Variants in SORBS2 observed in about 807,000 individuals in gnomAD.
The protein encoded by SORBS2 is sorbin and SH3 domain-containing protein 2.
SORBS2 carries 46 observed loss-of-function variants against 97.7 expected under a neutral mutation model. The ratio of observed to expected loss-of-function variants is 0.47; its 90% CI spans 0.37 to 0.60. The LOEUF (loss-of-function observed/expected upper bound fraction) is 0.60, where lower values mean the gene tolerates loss of function less well. SORBS2 is among the 20% of genes least tolerant of loss of function. The pLI is 0.00. For missense variants in SORBS2, 1,316 were observed against 1,282.3 expected (o/e 1.03, Z -0.40); for synonymous variants, 476 against 473.4 (o/e 1.01, Z -0.07).
At chr4:185,613,154 A>C (rs1220796088) in intron 11 of SORBS2, among the ~76,000 whole-genome samples, 1 of 152,218 alleles carries the variant, frequency 6.6e-6, no homozygotes, top group Non-Finnish European at 1.5e-5. Flanking sequence ...TCAGCAGGTG[A>C]TACAGAAGCT....
chr4:185,952,973 A>C (rs1382321471), intron 1 of SORBS2, among the ~76,000 whole-genome samples: 1 of 152,036 alleles, frequency 6.6e-6, no homozygotes, highest in Non-Finnish European at 1.5e-5. Context: ...CCCACAGCCC[A>C]CTTGTAGGTC....
At chr4:185,845,295 C>T (rs2099213942) in intron 1 of SORBS2, among the ~76,000 whole-genome samples, 1 of 152,160 alleles carries the variant, frequency 6.6e-6, no homozygotes, top group Non-Finnish European at 1.5e-5. Flanking sequence ...GCTGGTGTTA[C>T]AGGTGTGAGC....
At chr4:185,715,070 AT>A (rs1188305501) in intron 2 of SORBS2, among the ~76,000 whole-genome samples, 5 of 152,270 alleles carry the variant, frequency 3.3e-5, no homozygotes, top group African/African-American at 1.2e-4. Context: ...TTTTTTAAAA[AT>A]ATCAACATTT....
intron 2 of SORBS2, among the ~76,000 whole-genome samples, chr4:185,711,337 A>G (rs2098419125): frequency 6.6e-6 from 1 of 152,176 alleles, no homozygotes; most frequent in African/African-American, 2.4e-5. Context: ...AATTTCATGC[A>G]TTCTACAATT....
At chr4:185,858,089 A>G (rs149839321) in intron 1 of SORBS2, among the ~76,000 whole-genome samples, 2 of 152,322 alleles carry the variant, frequency 1.3e-5, no homozygotes, top group East Asian at 3.9e-4. Flanking sequence ...CGAGGTCTCC[A>G]TCACGGTCCT....
chr4:185,882,534 T>A (rs974173705), intron 1 of SORBS2, among the ~76,000 whole-genome samples: 1 of 152,226 alleles, frequency 6.6e-6, no homozygotes, highest in Admixed American at 6.5e-5. Context: ...GTAGACTCAA[T>A]GTAATTCCAG....
At chr4:185,663,707 A>G (rs1055239954) in intron 4 of SORBS2, among the ~76,000 whole-genome samples, 1 of 152,188 alleles carries the variant, frequency 6.6e-6, no homozygotes, top group Non-Finnish European at 1.5e-5. Context: ...AATTAATGTT[A>G]AAAGCTGAAG....
At chr4:185,849,241 T>G (rs1224970119) in intron 1 of SORBS2, among the ~76,000 whole-genome samples, 1 of 152,118 alleles carries the variant, frequency 6.6e-6, no homozygotes, top group Non-Finnish European at 1.5e-5. Flanking sequence ...TTGACCCTGT[T>G]GCCATTCTAG....
At position 185,615,133 on chromosome 4, in the gene SORBS2, G is replaced by GT; in HGVS notation, c.2377dup (p.Thr793AsnfsTer9). ...ATCAATTTTCCTGAGGATGTAGACAGTATCTCCTTTCTTAAATGACAACTC... is the reference window on the plus strand; with the variant it reads ...ATCAATTTTCCTGAGGATGTAGACAGTTATCTCCTTTCTTAAATGACAACTC... On this transcript the variant is annotated frameshift_variant, in exon 10 of 15. Transcript: ENST00000418609. LOFTEE classifies it high-confidence loss of function. 1 of 1,611,536 alleles carries GT rather than the reference G, an allele frequency of 6.2e-7. No homozygotes were observed. Among genetic ancestry groups the GT allele is most frequent in the Non-Finnish European group, 8.5e-7 (1 of 1,177,654 alleles).
intron 3 of SORBS2, 24 bp downstream of exon 12, chr4:185,649,443 C>G: frequency 1.3e-6 from 2 of 1,530,068 alleles, no homozygotes; most frequent in Non-Finnish European, 1.8e-6. Context: ...GAAACATAGG[C>G]CACCCTGGGG....
chr4:185,943,553 G>A (rs950058615), intron 1 of SORBS2, among the ~76,000 whole-genome samples: 20 of 152,128 alleles, frequency 1.3e-4, no homozygotes, highest in Non-Finnish European at 7.3e-5. Context: ...TCCTCACTGT[G>A]GGACGTTTTA....
intron 3 of SORBS2, among the ~76,000 whole-genome samples, chr4:185,649,022 C>G (rs1417993341): frequency 6.6e-6 from 1 of 152,126 alleles, no homozygotes; most frequent in African/African-American, 2.4e-5. Context: ...GCTTGAAAAA[C>G]TGGTAGAAAC....
intron 12 of SORBS2, among the ~76,000 whole-genome samples, chr4:185,605,760 T>C (rs2096402409): frequency 6.6e-6 from 1 of 152,164 alleles, no homozygotes; most frequent in Admixed American, 6.5e-5. Flanking sequence ...AGTTTTTGTA[T>C]TTTTGGTAGT....
At chr4:185,738,916 T>C (rs2098705257) in intron 2 of SORBS2, among the ~76,000 whole-genome samples, 1 of 152,210 alleles carries the variant, frequency 6.6e-6, no homozygotes, top group Non-Finnish European at 1.5e-5. Context: ...AAATAATATG[T>C]TGGAAGTGAT....
chr4:185,950,808 G>A (rs1272164123), intron 1 of SORBS2, among the ~76,000 whole-genome samples: 3 of 152,120 alleles, frequency 2.0e-5, no homozygotes, highest in Non-Finnish European at 4.4e-5. Flanking sequence ...TGGCCTGCAC[G>A]GCGGATATCT....
chr4:185,619,526 C>G (rs564476852), intron 8 of SORBS2, among the ~76,000 whole-genome samples: 3 of 152,210 alleles, frequency 2.0e-5, no homozygotes, highest in Non-Finnish European at 4.4e-5. Context: ...AGCAAGAACT[C>G]TAGCCCCGGC....
chr4:185,806,802 A>C (rs930356552), intron 1 of SORBS2, among the ~76,000 whole-genome samples: 6 of 152,158 alleles, frequency 3.9e-5, no homozygotes, highest in Non-Finnish European at 7.3e-5. Context: ...CTTGCGGCTA[A>C]TCCTTGCAGC....
chr4:185,663,642 GT>G (rs893629510), intron 4 of SORBS2, among the ~76,000 whole-genome samples: 1 of 152,034 alleles, frequency 6.6e-6, no homozygotes, highest in African/African-American at 2.4e-5. Context: ...CCTTGCCCAA[GT>G]TAAGTTTGGT....
At chr4:185,806,367 C>T (rs1368382067) in intron 1 of SORBS2, among the ~76,000 whole-genome samples, 1 of 150,376 alleles carries the variant, frequency 6.6e-6, no homozygotes, top group African/African-American at 2.5e-5. Context: ...ACTTGCCATT[C>T]TTCATGGCAT....
Sources: gnomAD v4.1 joint callset for allele counts (sites outside exome capture counted in the v4.1 genomes callset) on GRCh38, gnomAD v4.1.1 for gene constraint, MANE v1.5 for transcripts, NCBI Gene and HGNC (gene_info 2026-07-23, HGNC 2026-07-21) for gene names.